The following C1QTNF2 variants were observed in gnomAD, a reference collection of about 807,000 sequenced individuals.
C1QTNF2 encodes the protein complement C1q tumor necrosis factor-related protein 2.
In C1QTNF2, 15 loss-of-function variants were observed where a neutral mutation model predicts 17.4. The ratio of observed to expected loss-of-function variants is 0.86; its 90% CI spans 0.58 to 1.33. C1QTNF2 has a LOEUF of 1.33. C1QTNF2 is among the 40% of genes most tolerant of loss of function. The pLI is 0.00. For missense variants in C1QTNF2, 381 were observed against 392.3 expected, an observed-to-expected ratio of 0.97 and a Z score of 0.24; for synonymous variants, 154 against 163.3, an observed-to-expected ratio of 0.94 and a Z score of 0.44.
chr5:160,356,598 G>C (rs572031911), intron 1 of C1QTNF2, among the ~76,000 whole-genome samples: 53 of 152,302 alleles, frequency 3.5e-4, no homozygotes, highest in African/African-American at 1.3e-3. Context: ...ACTTCAATCT[G>C]TTCTCTTTCC....
At chr5:160,360,212 C>A (rs947135160) in intron 1 of C1QTNF2, among the ~76,000 whole-genome samples, 1 of 152,222 alleles carries the variant, frequency 6.6e-6, no homozygotes, top group East Asian at 1.9e-4. Context: ...TTGCCTCCCC[C>A]ATGTGTCTCC....
rs1301863643 is a variant in C1QTNF2, at chr5:160,349,000, A to G, written c.*168T>C. ...AGTGAATAAATAGATGGTTGGATGA[A>G]TAAAAAGGTTTGGATTTAATGAAGG... On this transcript the variant is annotated 3_prime_UTR_variant, in exon 3 of 3. Coordinates refer to ENST00000652664, the MANE Select transcript of C1QTNF2 (RefSeq NM_031908.6). 1.3e-6 allele frequency: 1 copy of G among 744,114 alleles called. No individual in the cohort carries two copies. Among genetic ancestry groups the G allele is most frequent in the Admixed American group, 3.0e-5 (1 of 33,128 alleles). 46.1% of individuals were successfully genotyped at this position (744,114 alleles called of 1,614,324 possible).
chr5:160,369,342 C>A (rs900988012), intron 1 of C1QTNF2, among the ~76,000 whole-genome samples: 2 of 152,140 alleles, frequency 1.3e-5, no homozygotes, highest in African/African-American at 4.8e-5. Context: ...AGAAGTCAGA[C>A]ATTTGGGAGG....
chr5:160,352,428 G>A (rs533290425), intron 2 of C1QTNF2, among the ~76,000 whole-genome samples: 2 of 152,298 alleles, frequency 1.3e-5, no homozygotes, highest in East Asian at 3.9e-4. Context: ...GCCCCAGGGT[G>A]ACAAGCTTTG....
chr5:160,349,916 T>C lies in C1QTNF2; in HGVS notation c.245-135A>G, dbSNP rs1340148593. 18 of 1,009,422 alleles carry C rather than the reference T, an allele frequency of 1.8e-5. No homozygotes were observed. In the East Asian group the frequency reaches 4.3e-4, roughly 24 times the overall value. The allele number at this position is 1,009,422 out of a possible 1,614,324, so 62.5% of individuals were successfully genotyped here. ...AGAACAAGAAGGCTTTGCAGACATA[T>C]AGAAGTGGGTGTAAATCCTAATGCT... On this transcript the variant is annotated intron_variant, in intron 2 of 2. Transcript: ENST00000652664. This position sits in a 1 kb window ranked among gnomAD's most constrained non-coding sequence, Gnocchi z 4.3.
chr5:160,357,308 C>T (rs1049062723), intron 1 of C1QTNF2, among the ~76,000 whole-genome samples: 7 of 152,148 alleles, frequency 4.6e-5, no homozygotes, highest in African/African-American at 1.7e-4. Context: ...GAGCTCCCCT[C>T]ACTGACTAAA....
chr5:160,355,311 A>G (rs1764028414), intron 1 of C1QTNF2: 2 of 893,004 alleles, frequency 2.2e-6, no homozygotes, highest in Admixed American at 6.2e-5. Flanking sequence ...TGGATGCAGA[A>G]CTTATGACCC....
intron 1 of C1QTNF2, among the ~76,000 whole-genome samples, chr5:160,360,797 T>A (rs1276029993): frequency 9.2e-6 from 1 of 108,812 alleles, no homozygotes; most frequent in African/African-American, 3.7e-5. Flanking sequence ...GGATGAGTTC[T>A]TTTTTTTTTT....
intron 1 of C1QTNF2, 150 bp downstream of exon 1, chr5:160,370,362 A>G (rs1764331014): frequency 6.4e-6 from 6 of 942,620 alleles, no homozygotes; most frequent in Non-Finnish European, 8.7e-6. Flanking sequence ...GAGAGGCAGG[A>G]ATGCAGGAGC....
At chr5:160,361,368 G>T (rs974755278) in intron 1 of C1QTNF2, among the ~76,000 whole-genome samples, 1 of 152,200 alleles carries the variant, frequency 6.6e-6, no homozygotes, top group African/African-American at 2.4e-5. Context: ...GAATGTGTCT[G>T]CTAGTAGTAG....
intron 1 of C1QTNF2, among the ~76,000 whole-genome samples, chr5:160,359,958 T>G (rs1298388436): frequency 9.7e-6 from 1 of 103,380 alleles, no homozygotes; most frequent in Non-Finnish European, 2.0e-5. Flanking sequence ...CCACCCCCCC[T>G]ACCTTTTCTA....
In C1QTNF2 at chr5:160,370,500, C is replaced by A; in HGVS notation, c.-10+12G>T. 1.4e-6 allele frequency: 2 copies of A among 1,462,422 alleles called. No individual in the cohort carries two copies. The highest frequency in any genetic ancestry group is 1.9e-4 in the Middle Eastern group (1 of 5,136). The allele number at this position is 1,462,422 out of a possible 1,614,324, so 90.6% of individuals were successfully genotyped here. On this transcript the variant is annotated intron_variant, in intron 1 of 2. Transcript: ENST00000652664. ...TTGCCGCCCCCGCCCGACCGCGGTGCGGGACACTCACCCTCGCGGCTGCCC... is the reference window on the plus strand; with the variant it reads ...TTGCCGCCCCCGCCCGACCGCGGTGAGGGACACTCACCCTCGCGGCTGCCC...
intron 2 of C1QTNF2, among the ~76,000 whole-genome samples, chr5:160,350,096 C>T (rs1052116729): frequency 4.6e-5 from 7 of 152,146 alleles, no homozygotes; most frequent in African/African-American, 1.7e-4. Flanking sequence ...CCATGGGCTG[C>T]GCTGGTAATG....
At chr5:160,366,060 C>T (rs899879890) in intron 1 of C1QTNF2, among the ~76,000 whole-genome samples, 2 of 152,172 alleles carry the variant, frequency 1.3e-5, no homozygotes, top group Admixed American at 6.5e-5. Context: ...ATCACCCGAG[C>T]GGTACACACT....
chr5:160,370,616 G>A lies in C1QTNF2; in HGVS notation c.-114C>T. 2 of 1,446,524 alleles carry A rather than the reference G, an allele frequency of 1.4e-6. No individual in the cohort carries two copies. Among genetic ancestry groups the A allele is most frequent in the Admixed American group, 2.9e-5 (1 of 34,670 alleles). 89.6% of individuals were successfully genotyped at this position (1,446,524 alleles called of 1,614,324 possible). On this transcript the variant is annotated 5_prime_UTR_variant, in exon 1 of 3. Coordinates refer to ENST00000652664, the MANE Select transcript of C1QTNF2 (RefSeq NM_031908.6). ...GCGGCAGCAGCCGGGCAGAGCGTCG[G>A]CCCCAGGCATAGTTTTCCCATCCCG...
chr5:160,355,895 C>G (rs906271786), intron 1 of C1QTNF2, among the ~76,000 whole-genome samples: 1 of 152,078 alleles, frequency 6.6e-6, no homozygotes, highest in African/African-American at 2.4e-5. Context: ...ACAGGGAAGC[C>G]AAAAGATTGG....
At chr5:160,362,181 A>C (rs1190734037) in intron 1 of C1QTNF2, among the ~76,000 whole-genome samples, 1 of 152,192 alleles carries the variant, frequency 6.6e-6, no homozygotes, top group African/African-American at 2.4e-5. Context: ...ACCCTGAAAA[A>C]CAGGGTGTGG....
At chr5:160,370,467 G>A in intron 1 of C1QTNF2, 45 bp downstream of exon 1, 1 of 1,385,832 alleles carries the variant, frequency 7.2e-7, no homozygotes, top group Non-Finnish European at 9.3e-7. Context: ...CCTCCTCCCC[G>A]CGCGCACTTG....
chr5:160,364,447 T>TA (rs1360003421), intron 1 of C1QTNF2, among the ~76,000 whole-genome samples: 5 of 152,224 alleles, frequency 3.3e-5, no homozygotes, highest in African/African-American at 2.4e-5. Context: ...TGGCAAGAGG[T>TA]ATAAAAGCAT....
Sources: allele counts gnomAD v4.1 joint callset (sites outside exome capture counted in the v4.1 genomes callset), GRCh38; gene constraint gnomAD v4.1.1; non-coding constraint Gnocchi (gnomAD v3.1); transcripts MANE v1.5; gene names NCBI Gene and HGNC (gene_info 2026-07-23, HGNC 2026-07-21).